Variants in CHRM3 observed in about 807,000 individuals in gnomAD.
CHRM3 encodes the protein muscarinic acetylcholine receptor M3.
A neutral mutation model predicts 41.8 loss-of-function variants in CHRM3; 11 were observed. The ratio of observed to expected loss-of-function variants is 0.26; its 90% CI spans 0.17 to 0.44. CHRM3 has a LOEUF of 0.44. Ranked by LOEUF, CHRM3 falls within the 20% of genes least tolerant of loss-of-function variation. CHRM3 has a pLI of 1.00. For missense variants in CHRM3, 571 were observed against 745.4 expected (o/e 0.77, Z 2.72); for synonymous variants, 297 against 301.4 (o/e 0.99, Z 0.15).
chr1:239,570,554 T>C (rs1405319778), intron 3 of CHRM3, among the ~76,000 whole-genome samples: 3 of 152,186 alleles, frequency 2.0e-5, no homozygotes, highest in African/African-American at 4.8e-5. Flanking sequence ...CCCTAGTAGT[T>C]TATGAATGGC....
At chr1:239,747,017 G>C (rs1388453748) in intron 5 of CHRM3, among the ~76,000 whole-genome samples, 1 of 151,974 alleles carries the variant, frequency 6.6e-6, no homozygotes, top group East Asian at 1.9e-4. Flanking sequence ...CAGCTTCCCA[G>C]AGTGCTGGAA....
intron 4 of CHRM3, among the ~76,000 whole-genome samples, chr1:239,677,648 T>C (rs1432587695): frequency 6.6e-6 from 1 of 152,188 alleles, no homozygotes; most frequent in Non-Finnish European, 1.5e-5. Context: ...CAACGTTTTG[T>C]ACAGCATTCT....
At chr1:239,671,376 G>A (rs1193408194) in intron 4 of CHRM3, among the ~76,000 whole-genome samples, 1 of 152,160 alleles carries the variant, frequency 6.6e-6, no homozygotes, top group Non-Finnish European at 1.5e-5. Flanking sequence ...CAGAGTTTGA[G>A]ACCAGCTTGG....
rs1680366890 is a variant in CHRM3, at chr1:239,911,506, C to T, written c.*2282C>T. 6.0e-6 allele frequency: 1 copy of T among 166,190 alleles called. No homozygotes were observed. Among genetic ancestry groups the T allele is most frequent in the Admixed American group, 6.6e-5 (1 of 15,204 alleles). 10.3% of individuals were successfully genotyped at this position (166,190 alleles called of 1,614,324 possible). ...TCAGCACTTCCCATCCTTTTGGAAA[C>T]TCCTATCTTGCCTCCCTCCCAAAAG... On this transcript the variant is annotated 3_prime_UTR_variant, in exon 7 of 7. Coordinates refer to ENST00000676153, the MANE Select transcript of CHRM3 (RefSeq NM_001375978.1).
At chr1:239,489,374 T>C (rs1406286344) in intron 1 of CHRM3, among the ~76,000 whole-genome samples, 1 of 151,730 alleles carries the variant, frequency 6.6e-6, no homozygotes, top group Non-Finnish European at 1.5e-5. Context: ...GATCGCGCCA[T>C]TGCACTCCAG....
At chr1:239,731,885 T>G (rs1445370193) in intron 5 of CHRM3, among the ~76,000 whole-genome samples, 1 of 152,032 alleles carries the variant, frequency 6.6e-6, no homozygotes, top group Non-Finnish European at 1.5e-5. Context: ...ATTAACCATA[T>G]GTGCTTGCAT....
intron 6 of CHRM3, among the ~76,000 whole-genome samples, chr1:239,858,672 A>C (rs928926858): frequency 2.6e-5 from 4 of 152,136 alleles, no homozygotes; most frequent in Non-Finnish European, 2.9e-5. Flanking sequence ...TAATTCATTC[A>C]GTGTTGGTAC....
At chr1:239,895,135 C>T (rs1678886689) in intron 6 of CHRM3, among the ~76,000 whole-genome samples, 1 of 152,242 alleles carries the variant, frequency 6.6e-6, no homozygotes. Flanking sequence ...GAACTCACCT[C>T]TTTTTCTCTG....
At chr1:239,657,365 T>C (rs1369098835) in intron 4 of CHRM3, among the ~76,000 whole-genome samples, 1 of 152,170 alleles carries the variant, frequency 6.6e-6, no homozygotes, top group Non-Finnish European at 1.5e-5. Context: ...TTCACTCAGT[T>C]TGGAATGTTC....
chr1:239,743,788 C>CTT lies in CHRM3; in HGVS notation c.-147+65521_-147+65522dup, dbSNP rs10718514. 8.2e-3 allele frequency among the ~76,000 whole-genome samples: 667 copies of CTT among 81,140 alleles called. 1 individual carries two copies. The highest frequency in any genetic ancestry group is 0.01 in the East Asian group (31 of 2,960). 53.2% of individuals were successfully genotyped at this position (81,140 alleles called of 152,430 possible). A position where few individuals can be genotyped will look rare whatever the true frequency, so the allele number is the denominator to read the frequency against. ...TTCTTTTTCTTTTTCTTTTTTTTTTCTTTTTTTTTTTTTTTTTTTTTTGAG... is the reference window on the plus strand; with the variant it reads ...TTCTTTTTCTTTTTCTTTTTTTTTTCTTTTTTTTTTTTTTTTTTTTTTTTGAG... On this transcript the variant is annotated intron_variant, in intron 5 of 6. Transcript: ENST00000676153.
At chr1:239,822,882 A>G (rs1410925422) in intron 5 of CHRM3, among the ~76,000 whole-genome samples, 1 of 152,134 alleles carries the variant, frequency 6.6e-6, no homozygotes, top group African/African-American at 2.4e-5. Context: ...GTAAAATGTT[A>G]TAGGAGGAAA....
intron 1 of CHRM3, among the ~76,000 whole-genome samples, chr1:239,422,862 C>G (rs543426243): frequency 6.6e-6 from 1 of 151,904 alleles, no homozygotes; most frequent in East Asian, 1.9e-4. Flanking sequence ...TGAAAATACA[C>G]TTTGACAAGA....
chr1:239,484,325 C>A (rs1667052131), intron 1 of CHRM3, among the ~76,000 whole-genome samples: 1 of 152,054 alleles, frequency 6.6e-6, no homozygotes, highest in African/African-American at 2.4e-5. Flanking sequence ...TTTTAAACAA[C>A]CAGGTATTCC....
chr1:239,467,561 A>G (rs1558244869), intron 1 of CHRM3, among the ~76,000 whole-genome samples: 1 of 152,182 alleles, frequency 6.6e-6, no homozygotes, highest in Non-Finnish European at 1.5e-5. Context: ...CGGCCTCCCA[A>G]AGTGCTGGAA....
At chr1:239,809,725 C>G (rs1409983871) in intron 5 of CHRM3, among the ~76,000 whole-genome samples, 1 of 151,568 alleles carries the variant, frequency 6.6e-6, no homozygotes, top group African/African-American at 2.4e-5. Flanking sequence ...TCTCGAAAGC[C>G]TGGACTCAAG....
chr1:239,787,998 G>C (rs1669044556), intron 5 of CHRM3, among the ~76,000 whole-genome samples: 1 of 152,176 alleles, frequency 6.6e-6, no homozygotes, highest in African/African-American at 2.4e-5. Flanking sequence ...AGCACTTTGG[G>C]AGGCCAAGGC....
intron 1 of CHRM3, among the ~76,000 whole-genome samples, chr1:239,404,869 T>C (rs1660473656): frequency 6.6e-6 from 1 of 151,368 alleles, no homozygotes; most frequent in African/African-American, 2.4e-5. Flanking sequence ...ATCAGGGAGC[T>C]GACTATCAAA....
chr1:239,704,215 C>G (rs187932586), intron 5 of CHRM3: 1 of 152,194 alleles, frequency 6.6e-6, no homozygotes, highest in East Asian at 1.9e-4. Flanking sequence ...AAGATCTGCA[C>G]GTAGGAATCA....
intron 3 of CHRM3, among the ~76,000 whole-genome samples, chr1:239,600,935 T>C (rs12047369): frequency 0.27 from 41,259 of 152,050 alleles, 7,012 homozygotes; most frequent in Middle Eastern, 0.51. Flanking sequence ...TAATGTGTTT[T>C]CTCCATATAG....
Sources: gnomAD v4.1 joint callset for allele counts (sites outside exome capture counted in the v4.1 genomes callset) on GRCh38, gnomAD v4.1.1 for gene constraint, MANE v1.5 for transcripts, NCBI Gene and HGNC (gene_info 2026-07-23, HGNC 2026-07-21) for gene names.